Variants in IQANK1 observed in about 807,000 individuals in gnomAD.
The protein encoded by IQANK1 is IQ motif and ankyrin repeat domain-containing protein 1.
A neutral mutation model predicts 22.6 loss-of-function variants in IQANK1; 30 were observed. The ratio of observed to expected loss-of-function variants is 1.33; its 90% confidence interval spans 0.99 to 1.80. The LOEUF (loss-of-function observed/expected upper bound fraction) is 1.80, where lower values mean the gene tolerates loss of function less well. Among genes scored for constraint, IQANK1 ranks in the 40% most tolerant of loss-of-function variants. IQANK1 has a pLI of 0.00. For missense variants in IQANK1, 275 were observed against 235.2 expected (o/e 1.17, Z -1.11); for synonymous variants, 122 against 99.6 (o/e 1.23, Z -1.34).
chr8:143,748,615 AAATATAT>A (rs1277115955), intron 3 of IQANK1, among the ~76,000 whole-genome samples: 4 of 129,988 alleles, frequency 3.1e-5, no homozygotes, highest in African/African-American at 1.2e-4. Context: ...TATAATATAT[AAATATAT>A]AATATATCAT....
chr8:143,751,009 T>C (rs1554627976), intron 3 of IQANK1, among the ~76,000 whole-genome samples: 5 of 151,956 alleles, frequency 3.3e-5, no homozygotes, highest in African/African-American at 1.2e-4. Flanking sequence ...TCAATTCCTT[T>C]GGTATATATT....
At chr8:143,759,020 T>C in intron 3 of IQANK1, 1 of 204,998 alleles carries the variant, frequency 4.9e-6, no homozygotes, top group South Asian at 7.0e-5. Flanking sequence ...TAGCAATTCT[T>C]CGCAATGGGG....
At position 143,789,505 on chromosome 8, in the gene IQANK1, G is replaced by T. The variant is rs1480855773; in HGVS notation, c.1063G>T (p.Asp355Tyr). 2 of 1,232,106 alleles carry T rather than the reference G, an allele frequency of 1.6e-6. No homozygotes were observed. The highest frequency in any genetic ancestry group is 2.0e-6 in the Non-Finnish European group (2 of 988,190). 76.3% of individuals were successfully genotyped at this position (1,232,106 alleles called of 1,614,324 possible). A position where few individuals can be genotyped will look rare whatever the true frequency, so the allele number is the denominator to read the frequency against. Residue 355 changes from aspartate to tyrosine, a missense_variant, in exon 10 of 14, where the codon GAC becomes TAC. Asp to Tyr is a radical substitution (Grantham distance 160). Coordinates refer to ENST00000527139, the MANE Select transcript of IQANK1 (RefSeq NM_001381874.1). ...EHDQCEWRCM[D>Y]KTKLTLQAIK... ...CGACCAGTGTGAGTGGAGGTGCATG[G>T]ACAAGACCAAGCTCACGCTGCAGGT...
At chr8:143,740,079 C>T (rs1003505383) in intron 3 of IQANK1, 131 bp downstream of exon 3, 2 of 526,416 alleles carry the variant, frequency 3.8e-6, no homozygotes, top group Admixed American at 7.3e-5. Context: ...TGTGCGCGCA[C>T]GTGTGGGAGT....
chr8:143,763,587 G>A (rs1819433808), intron 3 of IQANK1, among the ~76,000 whole-genome samples: 1 of 152,310 alleles, frequency 6.6e-6, no homozygotes, highest in Non-Finnish European at 1.5e-5. Flanking sequence ...TCGCACGAGA[G>A]CTGGTTGGTT....
intron 3 of IQANK1, among the ~76,000 whole-genome samples, chr8:143,767,877 C>CTTTT (rs782768885): frequency 2.0e-4 from 16 of 78,788 alleles, no homozygotes; most frequent in African/African-American, 4.7e-4. Context: ...GGAGCGAGAC[C>CTTTT]TTTTTTTTTT....
Position 143,745,526 on chromosome 8 carries a change from G to T in IQANK1, c.175+5578G>T, listed in dbSNP as rs557476913. 1.1e-4 allele frequency: 16 copies of T among 152,378 alleles called. No homozygotes were observed. In the East Asian group the frequency reaches 2.1e-3, roughly 20 times the overall value. 9.4% of individuals were successfully genotyped at this position (152,378 alleles called of 1,614,324 possible). ...CAACCTCCGCCTCCTGGGTTCAAGC[G>T]ATTCTCTTGCCTCAGCCTCCCAGGT... On this transcript the variant is annotated intron_variant, in intron 3 of 13. Coordinates refer to ENST00000527139, the MANE Select transcript of IQANK1 (RefSeq NM_001381874.1).
intron 3 of IQANK1, among the ~76,000 whole-genome samples, chr8:143,762,723 A>G (rs1445079092): frequency 6.6e-6 from 1 of 152,208 alleles, no homozygotes; most frequent in Non-Finnish European, 1.5e-5. Flanking sequence ...GATTTGTTTC[A>G]TTAAGGAGAA....
chr8:143,763,213 A>G (rs1270562419), intron 3 of IQANK1, among the ~76,000 whole-genome samples: 1 of 151,964 alleles, frequency 6.6e-6, no homozygotes, highest in Non-Finnish European at 1.5e-5. Flanking sequence ...ACGGGGTTTC[A>G]CCATGTCAGC....
In IQANK1 at chr8:143,789,255, C is replaced by A; in HGVS notation, c.993+12C>A. On this transcript the variant is annotated intron_variant, in intron 9 of 13. Coordinates refer to ENST00000527139, the MANE Select transcript of IQANK1 (RefSeq NM_001381874.1). ...AGTGTCACAAGGAGGTGAGTGTGAC[C>A]TCAGGGAGGAGCCAGGAAAGGAGGA... 2.5e-6 allele frequency: 1 copy of A among 400,472 alleles called. No homozygotes were observed. The highest frequency in any genetic ancestry group is 3.6e-5 in the East Asian group (1 of 28,068). 24.8% of individuals were successfully genotyped at this position (400,472 alleles called of 1,614,324 possible).
intron 3 of IQANK1, among the ~76,000 whole-genome samples, chr8:143,751,258 A>G (rs1819182887): frequency 6.6e-6 from 1 of 152,254 alleles, no homozygotes; most frequent in South Asian, 2.1e-4. Context: ...CTAGGAAAAA[A>G]GTGGAGTTAC....
intron 2 of IQANK1, among the ~76,000 whole-genome samples, chr8:143,737,596 G>A (rs894575920): frequency 6.6e-6 from 1 of 152,112 alleles, no homozygotes; most frequent in African/African-American, 2.4e-5. Context: ...AGTGGCCACC[G>A]CACCAACACA....
At chr8:143,769,635 C>CTGCTGAG (rs1819537528) in intron 3 of IQANK1, among the ~76,000 whole-genome samples, 1 of 152,258 alleles carries the variant, frequency 6.6e-6, no homozygotes, top group African/African-American at 2.4e-5. Flanking sequence ...GGCCCGTCCT[C>CTGCTGAG]TGCTGAGCAG....
intron 7 of IQANK1, among the ~76,000 whole-genome samples, chr8:143,777,363 A>C (rs1554630519): frequency 6.6e-6 from 1 of 151,536 alleles, no homozygotes; most frequent in African/African-American, 2.4e-5. Flanking sequence ...TAAAAATACA[A>C]AAATTTGCTG....
intron 3 of IQANK1, 69 bp downstream of exon 3, chr8:143,740,017 C>G: frequency 1.6e-6 from 1 of 638,528 alleles, no homozygotes; most frequent in Admixed American, 2.4e-5. Flanking sequence ...GTGCCCTGGC[C>G]CGGGACACGC....
chr8:143,778,489 G>A (rs1316558292), intron 7 of IQANK1, among the ~76,000 whole-genome samples: 3 of 152,026 alleles, frequency 2.0e-5, no homozygotes, highest in African/African-American at 7.2e-5. Context: ...CTACTAACAG[G>A]GTTTCAAAAT....
intron 3 of IQANK1, chr8:143,743,785 C>G (rs1818971400): frequency 2.6e-6 from 1 of 383,796 alleles, no homozygotes; most frequent in Admixed American, 3.4e-5. Context: ...TAAGTGAGAT[C>G]AGAAACATTA....
In IQANK1 at chr8:143,789,973, G is replaced by A. The variant is rs544807076; in HGVS notation, c.1198G>A (p.Glu400Lys). Residue 400 changes from glutamate (E) to lysine (K), a missense_variant and splice_region_variant, in exon 12 of 14, where the codon GAG (glutamate) becomes AAG (lysine). Physicochemically the swap from Glu to Lys is moderately conservative, Grantham distance 56 (BLOSUM62 1). Coordinates refer to ENST00000527139, the MANE Select transcript of IQANK1 (RefSeq NM_001381874.1). ...LELREQTQEG[E>K]EEAPGLKCQV... ...GCTGCACTCTGCTACCCCGACAGGGGAGGAAGAGGCGCCTGGGCTGAAGTG... is the reference window on the plus strand; with the variant it reads ...GCTGCACTCTGCTACCCCGACAGGGAAGGAAGAGGCGCCTGGGCTGAAGTG... 2 of 1,231,930 alleles carry A rather than the reference G, an allele frequency of 1.6e-6. No homozygotes were observed. Among genetic ancestry groups the A allele is most frequent in the Non-Finnish European group, 2.0e-6 (2 of 988,020 alleles). The allele number at this position is 1,231,930 out of a possible 1,614,324, so 76.3% of individuals were successfully genotyped here.
In IQANK1 at chr8:143,771,750, G is replaced by T. The variant is rs1235967754; in HGVS notation, c.307-51G>T. 1 of 397,308 alleles carries T rather than the reference G, an allele frequency of 2.5e-6. No individual in the cohort carries two copies. The highest frequency in any genetic ancestry group is 4.4e-6 in the Non-Finnish European group (1 of 225,458). 24.6% of individuals were successfully genotyped at this position (397,308 alleles called of 1,614,324 possible). A position where few individuals can be genotyped will look rare whatever the true frequency, so the allele number is the denominator to read the frequency against. On this transcript the variant is annotated intron_variant, in intron 4 of 13. Coordinates refer to ENST00000527139, the MANE Select transcript of IQANK1 (RefSeq NM_001381874.1). The surrounding 1 kb of genome is among the most constrained non-coding windows in gnomAD (Gnocchi z 6.0). ...CAGAGGCGTGGACCGTGGCCTCGGG[G>T]CTCGGGGCGGTGGCGCGGAGTGGGC...
Sources: gnomAD v4.1 joint callset for allele counts (sites outside exome capture counted in the v4.1 genomes callset) on GRCh38, gnomAD v4.1.1 for gene constraint, Gnocchi (gnomAD v3.1) non-coding constraint, MANE v1.5 for transcripts, NCBI Gene and HGNC (gene_info 2026-07-23, HGNC 2026-07-21) for gene names.